Variants in ABCC3 observed in about 807,000 individuals in gnomAD.
The protein encoded by ABCC3 is ATP-binding cassette sub-family C member 3.
ABCC3 carries 121 observed loss-of-function variants against 165.3 expected under a neutral mutation model. The observed-to-expected ratio is 0.73, with a 90% CI of 0.63 to 0.85. ABCC3 has a LOEUF of 0.85. Ranked by LOEUF, ABCC3 falls within the 40% of genes least tolerant of loss-of-function variation. The pLI is 0.00. For synonymous variants in ABCC3, 733 were observed against 810.1 expected, an observed-to-expected ratio of 0.90 and a Z score of 1.62; for missense variants, 1,869 against 1,964.1, an observed-to-expected ratio of 0.95 and a Z score of 0.92.
intron 22 of ABCC3, 90 bp from the exon 23 acceptor site, chr17:50,676,188 C>A: frequency 6.3e-7 from 1 of 1,590,306 alleles, no homozygotes; most frequent in South Asian, 1.1e-5. Context: ...GCCTCCCTAA[C>A]CCACTCTGGT....
intron 15 of ABCC3, 50 bp downstream of exon 15, chr17:50,668,969 T>C (rs777839901): frequency 1.2e-6 from 2 of 1,603,356 alleles, no homozygotes; most frequent in Non-Finnish European, 1.7e-6. Context: ...GGGCTGGAAG[T>C]TCAGATCAAT....
intron 29 of ABCC3, among the ~76,000 whole-genome samples, chr17:50,685,771 C>T (rs144499002): frequency 1.3e-5 from 2 of 152,068 alleles, no homozygotes; most frequent in Non-Finnish European, 2.9e-5. Flanking sequence ...AAAAGCGCTT[C>T]GCTTGGATGC....
At chr17:50,655,677 C>T (rs1009617459) in intron 1 of ABCC3, among the ~76,000 whole-genome samples, 155 bp from the exon 2 acceptor site, 2 of 152,082 alleles carry the variant, frequency 1.3e-5, no homozygotes, top group East Asian at 1.9e-4. Context: ...ACACTTGGGA[C>T]GACAACTGCT....
chr17:50,635,070 G>A, intron 1 of ABCC3, 89 bp downstream of exon 1: 1 of 1,225,114 alleles, frequency 8.2e-7, no homozygotes, highest in Non-Finnish European at 1.0e-6. Context: ...CGCGGGGCCG[G>A]CAGGTATCCC....
chr17:50,668,997 C>G, intron 15 of ABCC3, 78 bp downstream of exon 15: 1 of 1,596,258 alleles, frequency 6.3e-7, no homozygotes, highest in Non-Finnish European at 8.6e-7. Flanking sequence ...CCCTGCAAAG[C>G]CTTTGACCAA....
chr17:50,667,932 T>G lies in ABCC3; in HGVS notation c.1705T>G (p.Phe569Val), dbSNP rs1447456405. 6.2e-7 allele frequency: 1 copy of G among 1,614,164 alleles called. No individual in the cohort carries two copies. Residue 569 changes from phenylalanine (F) to valine (V), a missense_variant, in exon 13 of 31, where the codon TTT (phenylalanine) becomes GTT (valine). Coordinates refer to ENST00000285238, the MANE Select transcript of ABCC3 (RefSeq NM_003786.4). ...PNNVLDAEKA[F>V]VSVSLFNILR... ...CAATGTGCTGGACGCCGAGAAGGCC[T>G]TTGTGTCTGTGTCCTTGTTTAATAT...
chr17:50,645,693 C>T (rs1017352550), intron 1 of ABCC3, among the ~76,000 whole-genome samples: 1 of 152,002 alleles, frequency 6.6e-6, no homozygotes, highest in Non-Finnish European at 1.5e-5. Context: ...AACAAACTCC[C>T]GGGCTCAAGA....
intron 26 of ABCC3, among the ~76,000 whole-genome samples, chr17:50,680,989 T>C (rs964741015): frequency 6.6e-6 from 1 of 151,746 alleles, no homozygotes; most frequent in Non-Finnish European, 1.5e-5. Flanking sequence ...GGCAGGAGAA[T>C]CGCTTGAACC....
rs139730768 is a variant in ABCC3, at chr17:50,685,767, G to A, written c.4280+892G>A. Among the ~76,000 whole-genome samples the A allele has an allele frequency of 2.4e-4, 37 of 152,252 alleles. No homozygotes were observed. In the East Asian group the frequency reaches 5.8e-3, roughly 24 times the overall value. On this transcript the variant is annotated intron_variant, in intron 29 of 30. Coordinates refer to ENST00000285238, the MANE Select transcript of ABCC3 (RefSeq NM_003786.4). ...GGGTCAGTGTGATGACAGGAAAAGC[G>A]CTTCGCTTGGATGCTCCTGTAAAAT... is the stretch of plus-strand genomic sequence containing the variant.
chr17:50,688,859 C>A (rs566387091), intron 30 of ABCC3, among the ~76,000 whole-genome samples: 1 of 150,278 alleles, frequency 6.7e-6, no homozygotes, highest in Non-Finnish European at 1.5e-5. Flanking sequence ...GCCAAGATTA[C>A]GCCAGGACAC....
chr17:50,658,695 C>T (rs1567829431), intron 6 of ABCC3, 199 bp downstream of exon 6: 3 of 653,296 alleles, frequency 4.6e-6, no homozygotes, highest in East Asian at 2.7e-5. Context: ...TGGCCCAGTG[C>T]CGCCCCCAGG....
Position 50,673,038 on chromosome 17 carries a change from A to C in ABCC3, c.2309A>C (p.Asp770Ala). 1 of 1,614,068 alleles carries C rather than the reference A, an allele frequency of 6.2e-7. No homozygotes were observed. Among genetic ancestry groups the C allele is most frequent in the Non-Finnish European group, 8.5e-7 (1 of 1,180,026 alleles). ...SLARAVYSDA[D>A]IFLLDDPLSA... Reference sequence around the variant, plus strand: ...GCTCGAGCTGTTTACAGTGATGCCGATATTTTCTTGCTGGATGACCCACTG... The same window carrying C: ...GCTCGAGCTGTTTACAGTGATGCCGCTATTTTCTTGCTGGATGACCCACTG... The change falls in exon 18 of 31, where the codon GAT (aspartate) becomes GCT (alanine). Residue 770 changes from aspartate (D) to alanine (A), a missense_variant. Transcript: ENST00000285238.
At chr17:50,668,721 C>T (rs1050738575) in intron 14 of ABCC3, 132 bp from the exon 15 acceptor site, 2 of 842,456 alleles carry the variant, frequency 2.4e-6, no homozygotes, top group Non-Finnish European at 1.9e-6. Context: ...TTCTTCCTCC[C>T]TTTTCCCAAG....
Position 50,665,133 on chromosome 17 carries a change from A to G in ABCC3, c.1339-20A>G. 1 of 1,610,696 alleles carries G rather than the reference A, an allele frequency of 6.2e-7. No homozygotes were observed. Among genetic ancestry groups the G allele is most frequent in the Non-Finnish European group, 8.5e-7 (1 of 1,176,934 alleles). On this transcript the variant is annotated intron_variant, in intron 10 of 30. Coordinates refer to ENST00000285238, the MANE Select transcript of ABCC3 (RefSeq NM_003786.4). ...GGTAATCTGTCCCTATGTGTCATCT[A>G]TCCACCGGTGCCTCCTCAGAACCTA...
chr17:50,635,477 G>A, intron 1 of ABCC3: 1 of 702,612 alleles, frequency 1.4e-6, no homozygotes, highest in South Asian at 1.5e-5. Context: ...GCTGTGCAGT[G>A]TCCCACCCTT....
chr17:50,635,152 C>A, intron 1 of ABCC3, 171 bp downstream of exon 1: 1 of 688,198 alleles, frequency 1.5e-6, no homozygotes, highest in South Asian at 3.4e-5. Flanking sequence ...TTGGCTGCGC[C>A]GCCCGGAGCC....
At chr17:50,655,605 A>G (rs1409240120) in intron 1 of ABCC3, among the ~76,000 whole-genome samples, 1 of 152,012 alleles carries the variant, frequency 6.6e-6, no homozygotes, top group Non-Finnish European at 1.5e-5. Context: ...TTATGCCTCA[A>G]TTAGAGAGAA....
chr17:50,687,482 C>T, intron 29 of ABCC3, 54 bp from the exon 30 acceptor site: 1 of 1,569,032 alleles, frequency 6.4e-7, no homozygotes, highest in Admixed American at 1.7e-5. Flanking sequence ...GGAATGAGGC[C>T]CAGAGGCAGG....
intron 1 of ABCC3, among the ~76,000 whole-genome samples, chr17:50,644,976 C>T (rs923043478): frequency 6.6e-6 from 1 of 152,196 alleles, no homozygotes; most frequent in East Asian, 1.9e-4. Flanking sequence ...CGAGATCACG[C>T]CACTGCACTC....
Sources: allele counts gnomAD v4.1 joint callset (sites outside exome capture counted in the v4.1 genomes callset), GRCh38; gene constraint gnomAD v4.1.1; transcripts MANE v1.5; gene names NCBI Gene and HGNC (gene_info 2026-07-23, HGNC 2026-07-21).